The following ESRRG variants were observed in gnomAD, a reference collection of about 807,000 sequenced individuals.
The protein encoded by ESRRG is estrogen related receptor gamma.
Under a neutral mutation model 44.0 loss-of-function variants are expected in ESRRG, and 13 were observed. That is an observed-to-expected ratio of 0.30 (90% CI 0.19 to 0.47). ESRRG has a LOEUF of 0.47. Ranked by LOEUF, ESRRG falls within the 20% of genes least tolerant of loss-of-function variation. The pLI, the probability that ESRRG is intolerant of heterozygous loss-of-function variation, is 1.00. For synonymous variants in ESRRG, 215 were observed against 214.6 expected (o/e 1.00, Z -0.02); for missense variants, 395 against 580.6 (o/e 0.68, Z 3.29).
chr1:216,817,871 A>G (rs2095187876), intron 2 of ESRRG, among the ~76,000 whole-genome samples: 1 of 152,160 alleles, frequency 6.6e-6, no homozygotes, highest in African/African-American at 2.4e-5. Context: ...GATCAGCAGA[A>G]CAGACTGAAA....
intron 3 of ESRRG, among the ~76,000 whole-genome samples, chr1:216,590,734 C>T (rs143070642): frequency 3.4e-4 from 51 of 152,004 alleles, no homozygotes; most frequent in African/African-American, 1.2e-3. Context: ...GAAATGTAAT[C>T]AACTACAAAC....
At chr1:216,705,100 C>A (rs533763476) in intron 1 of ESRRG, among the ~76,000 whole-genome samples, 5 of 152,178 alleles carry the variant, frequency 3.3e-5, no homozygotes, top group African/African-American at 1.2e-4. Context: ...AGTTTACAAT[C>A]GCTTTAAGTA....
At chr1:216,516,680 G>GAGAC (rs1292766095) in intron 6 of ESRRG, among the ~76,000 whole-genome samples, 3 of 88,118 alleles carry the variant, frequency 3.4e-5, no homozygotes, top group African/African-American at 1.0e-4. Context: ...GAGAGAGAGA[G>GAGAC]AGAAACGACA....
At chr1:216,868,489 A>C (rs1169163002) in intron 2 of ESRRG, among the ~76,000 whole-genome samples, 1 of 152,166 alleles carries the variant, frequency 6.6e-6, no homozygotes, top group Admixed American at 6.5e-5. Flanking sequence ...CACATTGTTT[A>C]CAGTTTTGGA....
At chr1:217,022,766 C>T (rs958242632) in intron 1 of ESRRG, among the ~76,000 whole-genome samples, 1 of 152,100 alleles carries the variant, frequency 6.6e-6, no homozygotes, top group Non-Finnish European at 1.5e-5. Context: ...TCCCCCACAT[C>T]TGGAGCAACA....
upstream of ESRRG, among the ~76,000 whole-genome samples, chr1:216,724,917 G>A (rs2087174040): frequency 6.6e-6 from 1 of 152,088 alleles, no homozygotes; most frequent in Non-Finnish European, 1.5e-5. Flanking sequence ...CAGCTCTACT[G>A]CTTATCAACC....
At chr1:216,645,090 C>A (rs940076079) in intron 3 of ESRRG, among the ~76,000 whole-genome samples, 4 of 152,116 alleles carry the variant, frequency 2.6e-5, no homozygotes, top group African/African-American at 9.7e-5. Flanking sequence ...TTTTCACACA[C>A]AGGCAAAAAT....
At chr1:217,015,098 A>C (rs1404411467) in intron 1 of ESRRG, among the ~76,000 whole-genome samples, 36 of 152,188 alleles carry the variant, frequency 2.4e-4, no homozygotes, top group Non-Finnish European at 1.0e-4. Context: ...GAATCCAATC[A>C]TCTCTTTTCT....
chr1:216,522,382 AC>A (rs1301870380), intron 5 of ESRRG, among the ~76,000 whole-genome samples: 1 of 145,270 alleles, frequency 6.9e-6, no homozygotes, highest in East Asian at 2.1e-4. Context: ...AAGGAAGTAT[AC>A]TTTTTGCAAA....
At chr1:216,948,814 A>C (rs1171870605) in intron 1 of ESRRG, among the ~76,000 whole-genome samples, 1 of 152,168 alleles carries the variant, frequency 6.6e-6, no homozygotes, top group Non-Finnish European at 1.5e-5. Flanking sequence ...CCACTAAGAA[A>C]TAAGGCACTG....
chr1:216,724,768 G>C (rs1165883698), upstream of ESRRG, among the ~76,000 whole-genome samples: 2 of 152,050 alleles, frequency 1.3e-5, no homozygotes, highest in Non-Finnish European at 2.9e-5. Context: ...ATATAACAAA[G>C]AGTTTGCTTA....
At chr1:216,543,183 A>G (rs996484817) in intron 5 of ESRRG, among the ~76,000 whole-genome samples, 5 of 152,034 alleles carry the variant, frequency 3.3e-5, no homozygotes, top group African/African-American at 1.2e-4. Flanking sequence ...GTGTTCTGAT[A>G]TTGCCTGCAG....
At chr1:216,861,282 T>C (rs1215938605) in intron 2 of ESRRG, among the ~76,000 whole-genome samples, 1 of 152,056 alleles carries the variant, frequency 6.6e-6, no homozygotes, top group Non-Finnish European at 1.5e-5. Context: ...TTAAATATTC[T>C]AATTAAAAAG....
intron 2 of ESRRG, among the ~76,000 whole-genome samples, chr1:216,900,686 G>A (rs888574275): frequency 2.4e-4 from 36 of 152,236 alleles, no homozygotes; most frequent in African/African-American, 7.9e-4. Context: ...TTTAAGGAGT[G>A]GACCAAGGGT....
At position 216,879,507 on chromosome 1, in the gene ESRRG, A is replaced by G. The variant is rs1296381767; in HGVS notation, c.-14+60075T>C. 3.0e-5 allele frequency among the ~76,000 whole-genome samples: 4 copies of G among 133,096 alleles called. No homozygotes were observed. In the East Asian group the frequency reaches 8.2e-4, roughly 27 times the overall value. The allele number at this position is 133,096 out of a possible 152,430, so 87.3% of individuals were successfully genotyped here. A position where few individuals can be genotyped will look rare whatever the true frequency, so the allele number is the denominator to read the frequency against. On this transcript the variant is annotated intron_variant, in intron 2 of 7. Coordinates refer to the ESRRG transcript ENST00000359162. The stretch of plus-strand genomic sequence containing the variant: ...ACCAAAAAAAAAAAAAAAAAAAAAG[A>G]AGAAGAAGAAAAAGGCAGTTTAAAA...
At chr1:216,513,136 T>C (rs1431977012) in intron 6 of ESRRG, among the ~76,000 whole-genome samples, 1 of 152,220 alleles carries the variant, frequency 6.6e-6, no homozygotes, top group South Asian at 2.1e-4. Context: ...CAATGTAGCA[T>C]AAGAAACTCA....
At chr1:216,826,639 C>T (rs780798603) in intron 2 of ESRRG, among the ~76,000 whole-genome samples, 1 of 152,078 alleles carries the variant, frequency 6.6e-6, no homozygotes, top group Admixed American at 6.6e-5. Flanking sequence ...AGGTGAATAT[C>T]ATTGACTCTA....
At chr1:216,631,945 C>T (rs1042600920) in intron 3 of ESRRG, among the ~76,000 whole-genome samples, 2 of 152,104 alleles carry the variant, frequency 1.3e-5, no homozygotes, top group Non-Finnish European at 2.9e-5. Flanking sequence ...CTGTCACTCT[C>T]TCCCTCCTGA....
chr1:216,703,867 C>G (rs570812596), intron 1 of ESRRG, among the ~76,000 whole-genome samples: 1 of 152,012 alleles, frequency 6.6e-6, no homozygotes, highest in East Asian at 1.9e-4. Flanking sequence ...ATTGACGGCC[C>G]TTAAATTTTA....
Sources: gnomAD v4.1 joint callset for allele counts (sites outside exome capture counted in the v4.1 genomes callset) on GRCh38, gnomAD v4.1.1 for gene constraint, MANE v1.5 for transcripts, NCBI Gene and HGNC (gene_info 2026-07-23, HGNC 2026-07-21) for gene names.